DCBLD1: variants seen among roughly 807,000 people sequenced by gnomAD.
DCBLD1 encodes the protein discoidin, CUB and LCCL domain containing 1, also known as discoidin, CUB and LCCL domain-containing protein 1.
DCBLD1 carries 57 observed loss-of-function variants against 71.5 expected under a neutral mutation model. The ratio of observed to expected loss-of-function variants is 0.80; its 90% CI spans 0.64 to 0.99. The LOEUF is 0.99. Ranked by LOEUF, DCBLD1 falls within the 50% of genes least tolerant of loss-of-function variation. The pLI is 0.00. For missense variants in DCBLD1, 891 were observed against 923.5 expected (o/e 0.96, Z 0.46); for synonymous variants, 380 against 363.8 (o/e 1.04, Z -0.51).
chr6:117,536,958 G>A (rs1002293604), intron 6 of DCBLD1, among the ~76,000 whole-genome samples: 13 of 152,164 alleles, frequency 8.5e-5, no homozygotes, highest in Non-Finnish European at 1.5e-4. Flanking sequence ...CTAGCCCCTT[G>A]TCACTTATAT....
At chr6:117,490,745 G>A (rs1349298954) in intron 1 of DCBLD1, among the ~76,000 whole-genome samples, 1 of 150,156 alleles carries the variant, frequency 6.7e-6, no homozygotes, top group Admixed American at 6.6e-5. Flanking sequence ...TATAACCGCT[G>A]TTGTGGCCTT....
chr6:117,546,533 C>T (rs1779270291), intron 14 of DCBLD1, among the ~76,000 whole-genome samples: 1 of 152,188 alleles, frequency 6.6e-6, no homozygotes. Flanking sequence ...AACCAAAATC[C>T]ATCCTCTTGT....
At chr6:117,532,197 A>G in intron 5 of DCBLD1, 63 bp from the exon 6 acceptor site, 2 of 1,521,032 alleles carry the variant, frequency 1.3e-6, no homozygotes, top group South Asian at 2.7e-5. Context: ...CAAAATAGAA[A>G]ACTCCAACTA....
In DCBLD1 at chr6:117,521,545, C is replaced by A; in HGVS notation, c.481C>A (p.Arg161=). 6.4e-7 allele frequency: 1 copy of A among 1,570,784 alleles called. No individual in the cohort carries two copies. Among genetic ancestry groups the A allele is most frequent in the African/African-American group, 1.4e-5 (1 of 71,086 alleles). ...GACAGATTTAATAACATGTTTGGAA[C>A]GAGCTAGCCATTATTTGAAGACAGA... ...DHPDLITCLE[R]ASHYLKTEYS... is the part of the protein sequence containing the mutation. The change falls in exon 4 of 15, where the codon CGA becomes AGA. Residue 161 remains arginine (R), a synonymous_variant. Coordinates refer to ENST00000338728, the MANE Select transcript of DCBLD1 (RefSeq NM_001366458.2).
chr6:117,531,113 C>A (rs76564059), intron 5 of DCBLD1, among the ~76,000 whole-genome samples: 2,738 of 152,200 alleles, frequency 0.018, 46 homozygotes, highest in East Asian at 0.051. Flanking sequence ...AACTATATTG[C>A]AAAATATGAT....
chr6:117,499,061 G>A (rs919326334), intron 1 of DCBLD1, among the ~76,000 whole-genome samples: 12 of 140,654 alleles, frequency 8.5e-5, no homozygotes, highest in Non-Finnish European at 1.7e-4. Flanking sequence ...TGGGTCAACT[G>A]TATTTCATAG....
intron 14 of DCBLD1, among the ~76,000 whole-genome samples, chr6:117,564,373 T>G (rs1191350095): frequency 6.6e-6 from 1 of 152,208 alleles, no homozygotes; most frequent in Non-Finnish European, 1.5e-5. Flanking sequence ...TATTTTTCAT[T>G]GTTGCTTTCA....
In DCBLD1 at chr6:117,495,524, G is replaced by A. The variant is rs551179520; in HGVS notation, c.113-8243G>A. ...TTTAGATTATGGATGATGGAATTCA[G>A]TTTTACCTTAGAGAGGTAAAAAGAC... is the stretch of plus-strand genomic sequence containing the variant. On this transcript the variant is annotated intron_variant, in intron 1 of 14. Transcript: ENST00000338728. Among the ~76,000 whole-genome samples the A allele has an allele frequency of 3.3e-5, 5 of 152,264 alleles. No homozygotes were observed. The South Asian group carries it at 8.3e-4, about 25-fold the overall frequency.
intron 14 of DCBLD1, 123 bp downstream of exon 14, chr6:117,545,720 G>A (rs1779246784): frequency 7.2e-6 from 10 of 1,381,844 alleles, no homozygotes; most frequent in South Asian, 1.4e-5. Flanking sequence ...AATCTGAAAT[G>A]TGTTTTTTCT....
At chr6:117,537,634 TTTC>T (rs1778939851) in intron 7 of DCBLD1, among the ~76,000 whole-genome samples, 3 of 148,978 alleles carry the variant, frequency 2.0e-5, no homozygotes, top group East Asian at 3.9e-4. Context: ...TTTTTTTTTT[TTTC>T]CTTTTTTCTC....
chr6:117,520,639 G>A (rs1456654474), intron 3 of DCBLD1, among the ~76,000 whole-genome samples: 1 of 152,198 alleles, frequency 6.6e-6, no homozygotes, highest in Non-Finnish European at 1.5e-5. Flanking sequence ...GTATGGGAGA[G>A]AAGGGAAGGG....
At chr6:117,564,846 C>T (rs1387639046) in intron 14 of DCBLD1, among the ~76,000 whole-genome samples, 1 of 152,160 alleles carries the variant, frequency 6.6e-6, no homozygotes, top group Non-Finnish European at 1.5e-5. Context: ...TCAAGATGCA[C>T]AGTGAAAACA....
At chr6:117,539,483 A>G in intron 9 of DCBLD1, 104 bp downstream of exon 9, 2 of 1,331,560 alleles carry the variant, frequency 1.5e-6, no homozygotes, top group Non-Finnish European at 2.0e-6. Context: ...AAAGACAGTG[A>G]GGCCAAGCAT....
At chr6:117,510,546 C>T (rs1171321554) in intron 2 of DCBLD1, among the ~76,000 whole-genome samples, 6 of 152,172 alleles carry the variant, frequency 3.9e-5, no homozygotes, top group South Asian at 4.1e-4. Context: ...CTGTCAGATA[C>T]GGGATGCCCT....
At chr6:117,546,358 C>T (rs562756139) in intron 14 of DCBLD1, among the ~76,000 whole-genome samples, 1 of 152,128 alleles carries the variant, frequency 6.6e-6, no homozygotes. Flanking sequence ...TCCCTCCTCA[C>T]GTGCAGCCTG....
At chr6:117,523,257 G>C (rs1220974299) in intron 4 of DCBLD1, among the ~76,000 whole-genome samples, 1 of 152,124 alleles carries the variant, frequency 6.6e-6, no homozygotes, top group Non-Finnish European at 1.5e-5. Context: ...GTAGTGTTTA[G>C]ATTAAAGATA....
rs946371749 is a variant in DCBLD1 at position 117,548,053 on chromosome 6, G to A, written c.1762G>A (p.Glu588Lys). 5.2e-6 allele frequency: 8 copies of A among 1,549,060 alleles called. No individual in the cohort carries two copies. The highest frequency in any genetic ancestry group is 6.1e-6 in the Non-Finnish European group (7 of 1,146,096). The change falls in exon 15 of 15, where the codon GAG (glutamate) becomes AAG (lysine). Residue 588 changes from glutamate (E) to lysine (K), a missense_variant. Transcript: ENST00000338728. ...YDCPQRAGRH[E>K]YALPLAPPEP... ...CTGCCCGCAGCGGGCCGGCCGCCAC[G>A]AGTACGCGCTGCCCCTGGCGCCCCC...
chr6:117,540,700 A>G lies in DCBLD1; in HGVS notation c.1134A>G (p.Pro378=). ...VFQGNSNFRD[P]VQNNFIPPIV... ...AGGGTAACTCTAACTTTCGGGACCC[A>G]GTGCAAAACAATTTCATCCCTCCCA... Residue 378 remains proline (P), a synonymous_variant, in exon 10 of 15, where the codon CCA becomes CCG. Coordinates refer to ENST00000338728, the MANE Select transcript of DCBLD1 (RefSeq NM_001366458.2). 3.7e-6 allele frequency: 6 copies of G among 1,614,240 alleles called. No individual in the cohort carries two copies. Among genetic ancestry groups the G allele is most frequent in the Non-Finnish European group, 4.2e-6 (5 of 1,180,036 alleles).
At chr6:117,517,433 C>G (rs936450968) in intron 2 of DCBLD1, among the ~76,000 whole-genome samples, 3 of 152,172 alleles carry the variant, frequency 2.0e-5, no homozygotes, top group South Asian at 4.1e-4. Flanking sequence ...GAGTGTCTGT[C>G]GCTTTTTCAG....
Sources: allele counts gnomAD v4.1 joint callset (sites outside exome capture counted in the v4.1 genomes callset), GRCh38; gene constraint gnomAD v4.1.1; transcripts MANE v1.5; gene names NCBI Gene and HGNC (gene_info 2026-07-23, HGNC 2026-07-21).